The following MYT1L variants were observed in gnomAD, a reference collection of about 807,000 sequenced individuals.
MYT1L encodes the protein myelin transcription factor 1 like.
MYT1L carries 12 observed loss-of-function variants against 126.7 expected under a neutral mutation model. The observed-to-expected ratio is 0.09, with a 90% CI of 0.06 to 0.15. The LOEUF (loss-of-function observed/expected upper bound fraction) is 0.15. Ranked by LOEUF, MYT1L falls within the 10% of genes least tolerant of loss-of-function variation. The pLI, the probability that MYT1L is intolerant of heterozygous loss-of-function variation, is 1.00. For missense variants in MYT1L, 979 were observed against 1,585.2 expected, an observed-to-expected ratio of 0.62 and a Z score of 6.49; for synonymous variants, 541 against 604.2, an observed-to-expected ratio of 0.90 and a Z score of 1.53.
intron 2 of MYT1L, among the ~76,000 whole-genome samples, chr2:2,193,784 C>T (rs549881936): frequency 3.2e-4 from 49 of 152,150 alleles, no homozygotes; most frequent in African/African-American, 1.1e-3. Context: ...AAACAGTGAA[C>T]GCTGGGTTTT....
chr2:1,886,630 C>G, intron 17 of MYT1L, 23 bp from the exon 18 acceptor site: 1 of 1,501,840 alleles, frequency 6.7e-7, no homozygotes, highest in Non-Finnish European at 8.9e-7. Context: ...CCGGGACAGG[C>G]AGGTCAGTCA....
intron 3 of MYT1L, among the ~76,000 whole-genome samples, chr2:2,089,058 C>T (rs1372407060): frequency 6.6e-6 from 1 of 152,130 alleles, no homozygotes; most frequent in African/African-American, 2.4e-5. Context: ...CTGTTAGATA[C>T]ATCAGTAGAA....
intron 9 of MYT1L, among the ~76,000 whole-genome samples, chr2:1,925,520 A>G (rs2149127377): frequency 6.6e-6 from 1 of 152,246 alleles, no homozygotes; most frequent in East Asian, 1.9e-4. Context: ...ATAATCAGAC[A>G]TTTATCTGTT....
At chr2:1,804,865 G>A (rs1256520702) in intron 22 of MYT1L, among the ~76,000 whole-genome samples, 2 of 152,170 alleles carry the variant, frequency 1.3e-5, no homozygotes, top group Non-Finnish European at 2.9e-5. Flanking sequence ...GGAGGTTAGA[G>A]CTCCTTTCCC....
At chr2:2,253,197 C>A (rs1442641138) in intron 2 of MYT1L, among the ~76,000 whole-genome samples, 1 of 152,190 alleles carries the variant, frequency 6.6e-6, no homozygotes, top group African/African-American at 2.4e-5. Flanking sequence ...ACCTGTGAGC[C>A]GGAGCGGGCT....
chr2:2,210,457 T>C (rs1376323071), intron 2 of MYT1L, among the ~76,000 whole-genome samples: 1 of 152,198 alleles, frequency 6.6e-6, no homozygotes, highest in Non-Finnish European at 1.5e-5. Flanking sequence ...TTTGTCCAGT[T>C]TTCCCAGCAC....
At chr2:1,874,780 C>A (rs1022459617) in intron 18 of MYT1L, among the ~76,000 whole-genome samples, 4 of 152,212 alleles carry the variant, frequency 2.6e-5, no homozygotes, top group African/African-American at 9.6e-5. Context: ...CAGCTGTCCT[C>A]ATGGAAAGGT....
chr2:1,910,137 C>T lies in MYT1L; in HGVS notation c.1817+103G>A. Reference sequence around the variant, plus strand: ...CACAGCCCCGCCCTCCAGTCCCTGCCCCTGCTGCTGTAGGGACATGCCCTG... The same window carrying T: ...CACAGCCCCGCCCTCCAGTCCCTGCTCCTGCTGCTGTAGGGACATGCCCTG... On this transcript the variant is annotated intron_variant, in intron 13 of 24. Coordinates refer to ENST00000647738, the MANE Select transcript of MYT1L (RefSeq NM_001303052.2). The surrounding 1 kb of genome is among the most constrained non-coding windows in gnomAD (Gnocchi z 4.8). 1 of 1,061,212 alleles carries T rather than the reference C, an allele frequency of 9.4e-7. No individual in the cohort carries two copies. Among genetic ancestry groups the T allele is most frequent in the Non-Finnish European group, 1.4e-6 (1 of 720,760 alleles). 65.7% of individuals were successfully genotyped at this position (1,061,212 alleles called of 1,614,324 possible). A position where few individuals can be genotyped will look rare whatever the true frequency, so the allele number is the denominator to read the frequency against.
chr2:1,982,341 T>TG (rs2060671463), intron 5 of MYT1L, among the ~76,000 whole-genome samples: 1 of 152,116 alleles, frequency 6.6e-6, no homozygotes, highest in Admixed American at 6.5e-5. Flanking sequence ...GCAGAGATAA[T>TG]GGGGTAAAAT....
intron 3 of MYT1L, among the ~76,000 whole-genome samples, chr2:2,089,887 T>A (rs542713266): frequency 6.6e-6 from 1 of 152,298 alleles, no homozygotes. Context: ...TGAAAATATG[T>A]CATAACACCC....
intron 9 of MYT1L, among the ~76,000 whole-genome samples, chr2:1,939,123 C>T (rs1010945795): frequency 4.6e-5 from 7 of 152,230 alleles, no homozygotes; most frequent in Non-Finnish European, 7.3e-5. Flanking sequence ...CGTCACGACG[C>T]CCTGGTTTCT....
chr2:2,137,255 C>G (rs1370236832), intron 3 of MYT1L, among the ~76,000 whole-genome samples: 4 of 152,136 alleles, frequency 2.6e-5, no homozygotes, highest in Non-Finnish European at 5.9e-5. Flanking sequence ...GTGAAAATGG[C>G]CATACTGCCC....
chr2:1,802,763 G>T (rs1258019715), intron 22 of MYT1L, among the ~76,000 whole-genome samples: 1 of 152,228 alleles, frequency 6.6e-6, no homozygotes, highest in Non-Finnish European at 1.5e-5. Context: ...CTCTCTATTT[G>T]TGACCACTTG....
chr2:1,831,761 A>G (rs968476241), intron 21 of MYT1L, among the ~76,000 whole-genome samples: 2 of 152,122 alleles, frequency 1.3e-5, no homozygotes, highest in Admixed American at 1.3e-4. Context: ...TAATGCCACC[A>G]TGCAACTCTG....
chr2:1,994,928 G>T (rs1414236620), intron 5 of MYT1L, among the ~76,000 whole-genome samples: 1 of 151,978 alleles, frequency 6.6e-6, no homozygotes, highest in Non-Finnish European at 1.5e-5. Context: ...AATACTAAAA[G>T]AATAAAGAAC....
chr2:2,299,298 T>C (rs1382472822), intron 1 of MYT1L, among the ~76,000 whole-genome samples: 1 of 152,204 alleles, frequency 6.6e-6, no homozygotes, highest in African/African-American at 2.4e-5. Flanking sequence ...CAGCAGCCTG[T>C]GCCATGATCT....
chr2:2,144,954 T>C (rs1405456392), intron 3 of MYT1L, among the ~76,000 whole-genome samples: 1 of 152,180 alleles, frequency 6.6e-6, no homozygotes, highest in African/African-American at 2.4e-5. Flanking sequence ...AAAAATAAAA[T>C]GGGCTGAATA....
At chr2:2,048,655 C>A (rs528951444) in intron 4 of MYT1L, among the ~76,000 whole-genome samples, 1 of 152,186 alleles carries the variant, frequency 6.6e-6, no homozygotes, top group Non-Finnish European at 1.5e-5. Context: ...TAGGTGGACC[C>A]CTGGTGTCTA....
In MYT1L at chr2:2,171,058, C is replaced by T. The variant is rs551215304; in HGVS notation, c.-304+1814G>A. ...TTACACCCAGAAGGGTCTGCTCACCCGGGGCCTGGCTGGAGGGGTCCCGGC... is the reference window on the plus strand; with the variant it reads ...TTACACCCAGAAGGGTCTGCTCACCTGGGGCCTGGCTGGAGGGGTCCCGGC... On this transcript the variant is annotated intron_variant, in intron 3 of 24. Coordinates refer to ENST00000647738, the MANE Select transcript of MYT1L (RefSeq NM_001303052.2). Among the ~76,000 whole-genome samples, 17 of 152,290 alleles carry T rather than the reference C, an allele frequency of 1.1e-4. 2 individuals carry two copies. The highest frequency in any genetic ancestry group is 3.6e-4 in the African/African-American group (15 of 41,558).
Sources: gnomAD v4.1 joint callset for allele counts (sites outside exome capture counted in the v4.1 genomes callset) on GRCh38, gnomAD v4.1.1 for gene constraint, Gnocchi (gnomAD v3.1) non-coding constraint, MANE v1.5 for transcripts, NCBI Gene and HGNC (gene_info 2026-07-23, HGNC 2026-07-21) for gene names.